The following C12orf42 variants were observed in gnomAD, a reference collection of about 807,000 sequenced individuals.
The protein encoded by C12orf42 is chromosome 12 open reading frame 42.
C12orf42 carries 25 observed loss-of-function variants against 21.6 expected under a neutral mutation model. The observed-to-expected ratio is 1.16, with a 90% CI of 0.84 to 1.62. C12orf42 has a LOEUF of 1.62. C12orf42 is among the 40% of genes most tolerant of loss of function. The pLI, the probability that C12orf42 is intolerant of heterozygous loss-of-function variation, is 0.00. For synonymous variants in C12orf42, 174 were observed against 175.0 expected (o/e 0.99, Z 0.05); for missense variants, 483 against 459.3 (o/e 1.05, Z -0.47).
rs564176439 is a variant in C12orf42 at position 103,356,983 on chromosome 12, C to G, written c.259+11904G>C. 4.7e-3 allele frequency among the ~76,000 whole-genome samples: 711 copies of G among 152,020 alleles called. 3 individuals carry two copies. Among genetic ancestry groups the G allele is most frequent in the Non-Finnish European group, 7.9e-3 (540 of 67,990 alleles). On this transcript the variant is annotated intron_variant, in intron 4 of 5. Transcript: ENST00000548883. The stretch of plus-strand genomic sequence containing the variant: ...ATGCAGCCATAAAAAATGATGAGTT[C>G]ATGTCCTTTGTAGGGACATGGATGA...
intron 4 of C12orf42, among the ~76,000 whole-genome samples, chr12:103,318,606 T>C (rs1254437537): frequency 1.3e-5 from 2 of 152,200 alleles, no homozygotes; most frequent in East Asian, 3.8e-4. Context: ...AGAATGAACT[T>C]GAGCATCTCC....
the C12orf42 span, among the ~76,000 whole-genome samples, chr12:103,104,395 G>C: frequency 6.6e-6 from 1 of 152,170 alleles, no homozygotes; most frequent in Non-Finnish European, 1.5e-5. Flanking sequence ...ATTTGGATCT[G>C]TATACCAATA....
At chr12:103,397,113 A>T (rs2047601517) in intron 3 of C12orf42, among the ~76,000 whole-genome samples, 1 of 152,176 alleles carries the variant, frequency 6.6e-6, no homozygotes. Context: ...CAAACATGTA[A>T]GTAATTCTAT....
chr12:103,147,269 C>T, the C12orf42 span, among the ~76,000 whole-genome samples: 23 of 151,996 alleles, frequency 1.5e-4, no homozygotes, highest in African/African-American at 5.3e-4. Context: ...CTAGTTTTTT[C>T]CCCTTATTTT....
At chr12:103,348,736 GA>G (rs2042848257) in intron 4 of C12orf42, among the ~76,000 whole-genome samples, 1 of 152,064 alleles carries the variant, frequency 6.6e-6, no homozygotes, top group Non-Finnish European at 1.5e-5. Flanking sequence ...ACCAGGAAAA[GA>G]ACAGGATAAA....
the C12orf42 span, among the ~76,000 whole-genome samples, chr12:103,226,494 T>G: frequency 2.6e-5 from 4 of 152,120 alleles, no homozygotes; most frequent in African/African-American, 9.7e-5. Context: ...TTATATTTGA[T>G]GAAAAAGAGC....
chr12:103,515,728 C>T, the C12orf42 span, among the ~76,000 whole-genome samples: 1 of 152,078 alleles, frequency 6.6e-6, no homozygotes, highest in Non-Finnish European at 1.5e-5. Flanking sequence ...ATGTGCAAGA[C>T]TGCATTAAAT....
chr12:103,249,670 C>T (rs1298914352), intron 10 of C12orf42, among the ~76,000 whole-genome samples: 1 of 152,106 alleles, frequency 6.6e-6, no homozygotes, highest in East Asian at 1.9e-4. Flanking sequence ...GCTGAACAAA[C>T]AGGGACTACC....
At chr12:103,192,196 A>G in the C12orf42 span, among the ~76,000 whole-genome samples, 54,918 of 152,022 alleles carry the variant, frequency 0.36, 10,568 homozygotes, top group South Asian at 0.44. Flanking sequence ...ATTATATGCC[A>G]CCAACAAGAA....
chr12:103,533,605 G>A, the C12orf42 span, among the ~76,000 whole-genome samples: 1 of 152,152 alleles, frequency 6.6e-6, no homozygotes, highest in Non-Finnish European at 1.5e-5. Context: ...CATTTTCTGA[G>A]ATAACTTTTG....
At position 103,261,008 on chromosome 12, in the gene C12orf42, C is replaced by T. The variant is rs527746900; in HGVS notation, c.*1366+2318G>A. Among the ~76,000 whole-genome samples the T allele has an allele frequency of 1.7e-3, 264 of 152,088 alleles. 1 individual carries two copies. Among genetic ancestry groups the T allele is most frequent in the African/African-American group, 5.8e-3 (241 of 41,460 alleles). On this transcript the variant is annotated intron_variant and NMD_transcript_variant, in intron 10 of 10. Coordinates refer to the C12orf42 transcript ENST00000547347. ...CTTAGGATAAATATAACACCTCCTG[C>T]AAAATTTCTTAGTTGTATTGGTTAT...
the C12orf42 span, among the ~76,000 whole-genome samples, chr12:103,160,137 A>G: frequency 6.6e-6 from 1 of 152,204 alleles, no homozygotes; most frequent in Non-Finnish European, 1.5e-5. Context: ...ATTCTGTGAG[A>G]AAAAAAGTCA....
At chr12:103,510,067 C>T in the C12orf42 span, among the ~76,000 whole-genome samples, 17 of 152,154 alleles carry the variant, frequency 1.1e-4, no homozygotes, top group Non-Finnish European at 2.2e-4. Flanking sequence ...AGGTTTATAG[C>T]AGCACAATTT....
At chr12:103,420,800 T>C (rs1262419502) in intron 2 of C12orf42, among the ~76,000 whole-genome samples, 3 of 152,176 alleles carry the variant, frequency 2.0e-5, no homozygotes, top group East Asian at 3.9e-4. Context: ...ATTGTAAGCA[T>C]GAGTCACCGC....
Position 103,368,317 on chromosome 12 carries a change from T to A in C12orf42, c.259+570A>T, listed in dbSNP as rs76474329. Among the ~76,000 whole-genome samples, 251 of 146,616 alleles carry A rather than the reference T, an allele frequency of 1.7e-3. 2 individuals carry two copies. Among genetic ancestry groups the A allele is most frequent in the African/African-American group, 5.6e-3 (219 of 38,986 alleles). On this transcript the variant is annotated intron_variant, in intron 4 of 5. Transcript: ENST00000548883. Reference sequence around the variant, plus strand: ...TTCTCTCTCTTTCTGTCTCTCTCTCTCACACACACACACACACACACACAC... The same window carrying A: ...TTCTCTCTCTTTCTGTCTCTCTCTCACACACACACACACACACACACACAC...
At chr12:103,150,348 A>G in the C12orf42 span, among the ~76,000 whole-genome samples, 1 of 152,236 alleles carries the variant, frequency 6.6e-6, no homozygotes, top group South Asian at 2.1e-4. Context: ...ACGATGCTAT[A>G]AAACTTCAGA....
At chr12:103,055,450 T>G in the C12orf42 span, among the ~76,000 whole-genome samples, 2 of 151,964 alleles carry the variant, frequency 1.3e-5, no homozygotes, top group African/African-American at 4.8e-5. Context: ...TTCTCTCTCA[T>G]TTTGTCAGTC....
At chr12:103,256,159 CATATATATACACAT>C (rs1462313069) in intron 10 of C12orf42, among the ~76,000 whole-genome samples, 1 of 123,324 alleles carries the variant, frequency 8.1e-6, no homozygotes, top group Non-Finnish European at 1.6e-5. Context: ...TATATACACA[CATATATATACACAT>C]ATATATACAT....
In C12orf42 at chr12:103,245,924, G is replaced by A. The variant is rs778809242; in HGVS notation, c.*1367-8022C>T. On this transcript the variant is annotated intron_variant and NMD_transcript_variant, in intron 10 of 10. Coordinates refer to the C12orf42 transcript ENST00000547347. The stretch of plus-strand genomic sequence containing the variant: ...GCAATACAGAGGTCAGAGGGAAGAG[G>A]TAGCCTTTGAGCTGGACTTTGAAGG... 3.0e-4 allele frequency among the ~76,000 whole-genome samples: 46 copies of A among 152,068 alleles called. 1 individual carries two copies. Among genetic ancestry groups the A allele is most frequent in the Non-Finnish European group, 1.0e-4 (7 of 67,982 alleles).
Sources: gnomAD v4.1 joint callset for allele counts (sites outside exome capture counted in the v4.1 genomes callset) on GRCh38, gnomAD v4.1.1 for gene constraint, MANE v1.5 for transcripts, NCBI Gene and HGNC (gene_info 2026-07-23, HGNC 2026-07-21) for gene names.